The following MEMO1 variants were observed in gnomAD, a reference collection of about 807,000 sequenced individuals.
The protein encoded by MEMO1 is mediator of cell motility 1, also known as protein MEMO1.
In MEMO1, 6 loss-of-function variants were observed where a neutral mutation model predicts 45.2. The ratio of observed to expected loss-of-function variants is 0.13; its 90% CI spans 0.07 to 0.26. The LOEUF is 0.26. Among genes scored for constraint, MEMO1 ranks in the 10% least tolerant of loss-of-function variants. The probability of loss-of-function intolerance (pLI) is 1.00; values close to 1 mark genes in which losing one functional copy is unlikely to be tolerated. For missense variants in MEMO1, 184 were observed against 370.5 expected (o/e 0.50, Z 4.13); for synonymous variants, 78 against 124.3 (o/e 0.63, Z 2.48).
intron 2 of MEMO1, among the ~76,000 whole-genome samples, chr2:31,980,984 A>T (rs556536397): frequency 6.6e-6 from 1 of 152,230 alleles, no homozygotes; most frequent in Middle Eastern, 3.2e-3. Context: ...TAGATAAACT[A>T]ATCAGTGTCC....
At chr2:31,992,859 G>T (rs1431511494) in intron 2 of MEMO1, among the ~76,000 whole-genome samples, 1 of 152,022 alleles carries the variant, frequency 6.6e-6, no homozygotes, top group East Asian at 1.9e-4. Context: ...ACCCAGATAT[G>T]TCCAAAAAAC....
chr2:31,984,582 G>A (rs1401648810), intron 2 of MEMO1, among the ~76,000 whole-genome samples: 1 of 152,148 alleles, frequency 6.6e-6, no homozygotes, highest in Non-Finnish European at 1.5e-5. Context: ...GGCCAAGGCG[G>A]GCGATAACGA....
In MEMO1 at chr2:31,937,266, T is replaced by C. The variant is rs144902158; in HGVS notation, c.144-5131A>G. On this transcript the variant is annotated intron_variant, in intron 3 of 9. Transcript: ENST00000404530. ...TTCAGAATATTTTATTTTTACATAA[T>C]AGAATCTCATAAATATTAAATAGTC... Among the ~76,000 whole-genome samples the C allele has an allele frequency of 3.4e-3, 512 of 152,346 alleles. 2 individuals carry two copies. Among genetic ancestry groups the C allele is most frequent in the Middle Eastern group, 0.01 (3 of 294 alleles).
intron 6 of MEMO1, among the ~76,000 whole-genome samples, chr2:31,899,695 A>C (rs1235551890): frequency 6.6e-6 from 1 of 152,266 alleles, no homozygotes; most frequent in Non-Finnish European, 1.5e-5. Flanking sequence ...AGATCTAATT[A>C]AACTAAAGAG....
Position 31,871,463 on chromosome 2 carries a change from C to T in MEMO1, c.658-1511G>A, listed in dbSNP as rs533864242. 3.0e-4 allele frequency among the ~76,000 whole-genome samples: 46 copies of T among 151,564 alleles called. 2 individuals carry two copies. In the East Asian group the frequency reaches 7.4e-3, roughly 24 times the overall value. Reference sequence around the variant, plus strand: ...TAAAAAAACTTTCCTTCAGAATATTCGACTCCTTCACAAACATTATCAATA... The same window carrying T: ...TAAAAAAACTTTCCTTCAGAATATTTGACTCCTTCACAAACATTATCAATA... On this transcript the variant is annotated intron_variant, in intron 8 of 9. Transcript: ENST00000404530.
At position 31,876,094 on chromosome 2, in the gene MEMO1, T is replaced by C. The variant is rs567565066; in HGVS notation, c.658-6142A>G. Among the ~76,000 whole-genome samples the C allele has an allele frequency of 2.8e-3, 419 of 152,336 alleles. 2 individuals are homozygous for C. The highest frequency in any genetic ancestry group is 4.7e-3 in the Non-Finnish European group (317 of 68,034). On this transcript the variant is annotated intron_variant, in intron 8 of 9. Coordinates refer to ENST00000404530, the MANE Select transcript of MEMO1 (RefSeq NM_001301833.4). The stretch of plus-strand genomic sequence containing the variant: ...ATCATTTCACTTCCTATTGTACTTA[T>C]ATAAAGTTCTTACCTTCAATTATTA...
At chr2:31,945,520 C>T (rs115555855) in intron 2 of MEMO1, among the ~76,000 whole-genome samples, 60 of 152,304 alleles carry the variant, frequency 3.9e-4, no homozygotes, top group Admixed American at 7.8e-4. Context: ...TACCTGTACT[C>T]CCCGACCCCC....
chr2:31,883,658 A>C (rs920909084), intron 7 of MEMO1, among the ~76,000 whole-genome samples, 196 bp from the exon 8 acceptor site: 2 of 152,144 alleles, frequency 1.3e-5, no homozygotes, highest in African/African-American at 4.8e-5. Flanking sequence ...TGATATCACC[A>C]ATGTTTTATG....
intron 2 of MEMO1, among the ~76,000 whole-genome samples, chr2:31,968,038 T>C (rs1572843314): frequency 6.6e-6 from 1 of 152,016 alleles, no homozygotes. Flanking sequence ...AAAATGGAAG[T>C]AAAAACTCAC....
At chr2:31,991,622 A>C (rs563987523) in intron 2 of MEMO1, among the ~76,000 whole-genome samples, 13 of 152,160 alleles carry the variant, frequency 8.5e-5, no homozygotes, top group Admixed American at 2.6e-4. Context: ...AAAAGTTTTT[A>C]ATTTAAAATT....
chr2:31,982,439 A>G (rs1014604299), intron 2 of MEMO1, among the ~76,000 whole-genome samples: 1 of 150,636 alleles, frequency 6.6e-6, no homozygotes, highest in African/African-American at 2.4e-5. Context: ...AAAATGCAAA[A>G]ATTAGCTGGG....
intron 7 of MEMO1, among the ~76,000 whole-genome samples, chr2:31,888,148 C>T (rs1676456565): frequency 6.6e-6 from 1 of 151,902 alleles, no homozygotes; most frequent in Admixed American, 6.6e-5. Context: ...CCATAAAAGG[C>T]AAATCAAATA....
At chr2:31,986,177 G>A (rs537945769) in intron 2 of MEMO1, among the ~76,000 whole-genome samples, 102 of 152,062 alleles carry the variant, frequency 6.7e-4, no homozygotes, top group Non-Finnish European at 1.2e-3. Flanking sequence ...GGCAGATCAC[G>A]AGGTCAGGTG....
intron 2 of MEMO1, among the ~76,000 whole-genome samples, chr2:31,949,790 T>C (rs1253968045): frequency 6.6e-6 from 1 of 152,160 alleles, no homozygotes; most frequent in Admixed American, 6.5e-5. Flanking sequence ...GATAAATGAT[T>C]GAGGGGATGG....
chr2:32,010,431 G>T (rs1674742329), intron 1 of MEMO1, 167 bp from the exon 2 acceptor site: 1 of 416,604 alleles, frequency 2.4e-6, no homozygotes, highest in South Asian at 2.5e-5. Context: ...CCAGGAGGAG[G>T]AGATGGCAGC....
At chr2:31,999,857 G>T (rs1572941534) in intron 2 of MEMO1, among the ~76,000 whole-genome samples, 1 of 150,824 alleles carries the variant, frequency 6.6e-6, no homozygotes, top group African/African-American at 2.4e-5. Flanking sequence ...ACAATACAAG[G>T]CTTGTTCTTT....
intron 6 of MEMO1, among the ~76,000 whole-genome samples, chr2:31,910,446 T>C (rs1251350266): frequency 6.6e-6 from 1 of 152,212 alleles, no homozygotes; most frequent in East Asian, 1.9e-4. Flanking sequence ...GCAATGTATT[T>C]GGTGATTATA....
At chr2:31,986,403 C>T (rs1407765814) in intron 2 of MEMO1, among the ~76,000 whole-genome samples, 2 of 152,024 alleles carry the variant, frequency 1.3e-5, no homozygotes, top group Non-Finnish European at 1.5e-5. Context: ...ACCCGGAAGG[C>T]GGAGCTTGCA....
intron 2 of MEMO1, among the ~76,000 whole-genome samples, chr2:31,973,197 T>C (rs1669606980): frequency 6.6e-6 from 1 of 152,202 alleles, no homozygotes; most frequent in South Asian, 2.1e-4. Context: ...CTCATGCCTG[T>C]AATCCCAGCA....
Sources: gnomAD v4.1 joint callset for allele counts (sites outside exome capture counted in the v4.1 genomes callset) on GRCh38, gnomAD v4.1.1 for gene constraint, MANE v1.5 for transcripts, NCBI Gene and HGNC (gene_info 2026-07-23, HGNC 2026-07-21) for gene names.